PARVB: variants seen among roughly 807,000 people sequenced by gnomAD.
PARVB encodes the protein beta-parvin.
In PARVB, 46 loss-of-function variants were observed where a neutral mutation model predicts 47.0. The observed-to-expected ratio is 0.98, with a 90% CI of 0.77 to 1.25. The LOEUF (loss-of-function observed/expected upper bound fraction) is 1.25. PARVB is among the 50% of genes most tolerant of loss of function. The pLI, the probability that PARVB is intolerant of heterozygous loss-of-function variation, is 0.00. For missense variants in PARVB, 473 were observed against 471.6 expected, an observed-to-expected ratio of 1.00 and a Z score of -0.03; for synonymous variants, 196 against 196.3, an observed-to-expected ratio of 1.00 and a Z score of 0.01.
chr22:44,065,499 T>G (rs1443224693), intron 1 of PARVB, among the ~76,000 whole-genome samples: 1 of 152,174 alleles, frequency 6.6e-6, no homozygotes, highest in Non-Finnish European at 1.5e-5. Flanking sequence ...TCAACAGGTT[T>G]TTGGGGAACA....
At chr22:44,058,002 C>T (rs2146952605) in intron 1 of PARVB, among the ~76,000 whole-genome samples, 1 of 152,254 alleles carries the variant, frequency 6.6e-6, no homozygotes, top group South Asian at 2.1e-4. Flanking sequence ...TGGGAAGGGA[C>T]ATAACTTCCC....
chr22:44,150,181 C>T (rs2053773000), intron 9 of PARVB: 1 of 151,944 alleles, frequency 6.6e-6, no homozygotes, highest in Non-Finnish European at 1.5e-5. Context: ...CAAAACAAAA[C>T]AAAACAAAAC....
At chr22:44,073,989 G>A (rs1369933871) in intron 1 of PARVB, among the ~76,000 whole-genome samples, 5 of 152,260 alleles carry the variant, frequency 3.3e-5, no homozygotes, top group East Asian at 1.9e-4. Flanking sequence ...AGGACCCGCC[G>A]TGGGGCAGGC....
At chr22:44,164,023 TC>T in intron 12 of PARVB, 93 bp downstream of exon 12, 1 of 908,936 alleles carries the variant, frequency 1.1e-6, no homozygotes, top group Non-Finnish European at 1.7e-6. Context: ...GGCATGTTGT[TC>T]CCCAGATGGG....
At chr22:44,071,566 G>T (rs117342927) in intron 1 of PARVB, among the ~76,000 whole-genome samples, 1 of 152,044 alleles carries the variant, frequency 6.6e-6, no homozygotes, top group Non-Finnish European at 1.5e-5. Flanking sequence ...TCCTCCACCC[G>T]CTGTGGCCTA....
chr22:44,036,274 A>G (rs905843382), intron 1 of PARVB, among the ~76,000 whole-genome samples: 1 of 152,158 alleles, frequency 6.6e-6, no homozygotes, highest in Non-Finnish European at 1.5e-5. Flanking sequence ...AAATAAATAC[A>G]ATAAAATAAA....
chr22:44,002,746 C>G (rs914947856), intron 2 of PARVB, among the ~76,000 whole-genome samples: 9 of 152,106 alleles, frequency 5.9e-5, no homozygotes, highest in South Asian at 2.1e-4. Flanking sequence ...CCGTGGGAGG[C>G]TGTCTCAGTC....
upstream of PARVB, among the ~76,000 whole-genome samples, chr22:44,023,015 G>A (rs1015066086): frequency 2.0e-5 from 3 of 151,756 alleles, no homozygotes; most frequent in Admixed American, 6.6e-5. Flanking sequence ...CCAAAGTGTT[G>A]GGATTACAGG....
intron 12 of PARVB, 94 bp downstream of exon 12, chr22:44,164,024 C>A: frequency 3.3e-6 from 3 of 899,244 alleles, no homozygotes; most frequent in Non-Finnish European, 5.1e-6. Flanking sequence ...GCATGTTGTT[C>A]CCCAGATGGG....
At chr22:44,127,043 C>T (rs2053200907) in intron 4 of PARVB, among the ~76,000 whole-genome samples, 1 of 152,214 alleles carries the variant, frequency 6.6e-6, no homozygotes, top group African/African-American at 2.4e-5. Flanking sequence ...GCAAATGCAG[C>T]ACTTACTCCG....
chr22:44,158,545 A>G (rs920047604), intron 11 of PARVB, among the ~76,000 whole-genome samples: 1 of 151,766 alleles, frequency 6.6e-6, no homozygotes, highest in Non-Finnish European at 1.5e-5. Context: ...GTTTTTCCCT[A>G]CTGAAACAAC....
chr22:44,046,435 G>C (rs943504071), intron 1 of PARVB, among the ~76,000 whole-genome samples: 1 of 152,222 alleles, frequency 6.6e-6, no homozygotes, highest in African/African-American at 2.4e-5. Context: ...GACCACCAGT[G>C]GGGGATGCAT....
intron 3 of PARVB, chr22:44,112,814 C>T (rs865928315): frequency 1.2e-5 from 1 of 85,906 alleles, no homozygotes; most frequent in Non-Finnish European, 2.3e-5. Flanking sequence ...TTGTTACTAA[C>T]TAAGGCCCTG....
intron 2 of PARVB, among the ~76,000 whole-genome samples, chr22:44,098,978 A>G (rs1057487744): frequency 1.3e-5 from 2 of 152,132 alleles, no homozygotes; most frequent in African/African-American, 4.8e-5. Flanking sequence ...GCTCAGCTTC[A>G]AAGCTGTTTT....
intron 1 of PARVB, among the ~76,000 whole-genome samples, chr22:44,057,208 A>G (rs1349788123): frequency 1.3e-5 from 2 of 152,008 alleles, no homozygotes; most frequent in Admixed American, 6.6e-5. Context: ...GGGACTTGTG[A>G]TCATTAGCTA....
chr22:44,151,460 T>C lies in PARVB; in HGVS notation c.775-23T>C, dbSNP rs144638371. Reference sequence around the variant, plus strand: ...CTGCATGCGGGCCATTCATGGCTCCTGTGTCTCTTTTATTCTTGGCAGTCT... The same window carrying C: ...CTGCATGCGGGCCATTCATGGCTCCCGTGTCTCTTTTATTCTTGGCAGTCT... On this transcript the variant is annotated intron_variant, in intron 9 of 12. Transcript: ENST00000338758. The C allele has an allele frequency of 3.1e-6, 5 of 1,603,656 alleles. No homozygotes were observed. In the East Asian group the frequency reaches 8.9e-5, roughly 29 times the overall value.
upstream of PARVB, among the ~76,000 whole-genome samples, chr22:44,023,308 C>T (rs554078562): frequency 4.0e-5 from 6 of 151,718 alleles, no homozygotes; most frequent in South Asian, 1.0e-3. Context: ...GTCAGGGGTT[C>T]GAGACCAGCC....
intron 1 of PARVB, among the ~76,000 whole-genome samples, chr22:44,039,207 C>T (rs2050974320): frequency 6.6e-6 from 1 of 152,162 alleles, no homozygotes; most frequent in Non-Finnish European, 1.5e-5. Flanking sequence ...AACCATCCTT[C>T]CTATGACCCA....
chr22:44,066,805 CTCCTCCTCCTCCTCCTCT>C (rs1569088013), intron 1 of PARVB, among the ~76,000 whole-genome samples: 3 of 146,938 alleles, frequency 2.0e-5, no homozygotes, highest in East Asian at 4.1e-4. Context: ...CCTCCTCCTC[CTCCTCCTCCTCCTCCTCT>C]TCCTCCTCCA....
Sources: allele counts gnomAD v4.1 joint callset (sites outside exome capture counted in the v4.1 genomes callset), GRCh38; gene constraint gnomAD v4.1.1; transcripts MANE v1.5; gene names NCBI Gene and HGNC (gene_info 2026-07-23, HGNC 2026-07-21).